Variants in NPC1 observed in about 807,000 individuals in gnomAD.
NPC1 encodes NPC intracellular cholesterol transporter 1, also known as Niemann-Pick C1 protein.
In NPC1, 85 loss-of-function variants were observed where a neutral mutation model predicts 140.4. The observed-to-expected ratio is 0.61, with a 90% CI of 0.51 to 0.72. The LOEUF (loss-of-function observed/expected upper bound fraction) is 0.72. NPC1 is among the 30% of genes least tolerant of loss of function. The pLI, the probability that NPC1 is intolerant of heterozygous loss-of-function variation, is 0.00. For missense variants in NPC1, 1,504 were observed against 1,623.8 expected, an observed-to-expected ratio of 0.93 and a Z score of 1.27; for synonymous variants, 656 against 624.8, an observed-to-expected ratio of 1.05 and a Z score of -0.74.
chr18:23,520,284 C>T (rs957858635), downstream of NPC1: 4 of 1,613,906 alleles, frequency 2.5e-6, no homozygotes, highest in African/African-American at 1.3e-5. Flanking sequence ...CCCGCTCGAT[C>T]GATCCAGCCC....
At chr18:23,524,374 G>GGGTTTGC (rs2058233115), downstream of NPC1, 1 of 1,594,186 alleles carries the variant, frequency 6.3e-7, no homozygotes, top group Non-Finnish European at 8.6e-7. Context: ...AGCGGAAACT[G>GGGTTTGC]GGTTTGCTTT....
chr18:23,540,297 C>T (rs1015505532), intron 17 of NPC1, 151 bp downstream of exon 17: 4 of 677,958 alleles, frequency 5.9e-6, no homozygotes, highest in South Asian at 3.4e-5. Flanking sequence ...ACCAGCAGTG[C>T]ACTGCGACAG....
chr18:23,581,272 G>C (rs574477390), intron 1 of NPC1, among the ~76,000 whole-genome samples: 1 of 152,284 alleles, frequency 6.6e-6, no homozygotes, highest in African/African-American at 2.4e-5. Context: ...GATCTATTAC[G>C]GACTACTGGA....
chr18:23,553,125 G>A (rs963146636), intron 9 of NPC1, among the ~76,000 whole-genome samples: 3 of 152,206 alleles, frequency 2.0e-5, no homozygotes, highest in Non-Finnish European at 4.4e-5. Context: ...CTGCCACCAG[G>A]AGCCTGCCAC....
chr18:23,579,686 C>A (rs534048305), intron 1 of NPC1, among the ~76,000 whole-genome samples: 1 of 151,972 alleles, frequency 6.6e-6, no homozygotes, highest in Non-Finnish European at 1.5e-5. Flanking sequence ...GTCAGGAGAT[C>A]GAGACCATCC....
At chr18:23,507,985 G>C (rs774130691) in intron 3 of NPC1, 14 of 1,610,304 alleles carry the variant, frequency 8.7e-6, no homozygotes, top group African/African-American at 1.3e-5. Context: ...TTCCTTTCAG[G>C]ATTTTTGTAA....
At chr18:23,511,879 A>G (rs1465356055) in intron 3 of NPC1, among the ~76,000 whole-genome samples, 1 of 152,156 alleles carries the variant, frequency 6.6e-6, no homozygotes, top group African/African-American at 2.4e-5. Flanking sequence ...ACATCTGAAA[A>G]GCTGAACCAG....
chr18:23,566,472 T>G lies in NPC1; in HGVS notation c.463+2351A>C, dbSNP rs139372524. Among the ~76,000 whole-genome samples the G allele has an allele frequency of 3.1e-3, 471 of 152,208 alleles. 4 individuals are homozygous for G. Among genetic ancestry groups the G allele is most frequent in the African/African-American group, 0.011 (452 of 41,532 alleles). On this transcript the variant is annotated intron_variant, in intron 4 of 24. Transcript: ENST00000269228. Reference sequence around the variant, plus strand: ...ATAATAATGCACTATAGGCCAGGTGTGGTGGCTCACACCTACAGTCCCAAC... The same window carrying G: ...ATAATAATGCACTATAGGCCAGGTGGGGTGGCTCACACCTACAGTCCCAAC...
At chr18:23,530,742 G>A (rs1428962062), downstream of NPC1, 10 of 773,486 alleles carry the variant, frequency 1.3e-5, no homozygotes, top group Admixed American at 8.6e-5. Flanking sequence ...AGCCCACCTA[G>A]CCCTTGGCCC....
At chr18:23,526,574 C>T (rs2058304002), downstream of NPC1, 7 of 1,580,040 alleles carry the variant, frequency 4.4e-6, no homozygotes, top group Non-Finnish European at 6.0e-6. Context: ...TTAGGGGAAC[C>T]ACTTTTGGGC....
downstream of NPC1, among the ~76,000 whole-genome samples, chr18:23,527,589 C>T (rs902040284): frequency 5.5e-5 from 6 of 108,370 alleles, no homozygotes; most frequent in East Asian, 1.2e-3. Context: ...CCTGCTATAG[C>T]TTTTTTTTTT....
In NPC1 at chr18:23,535,634, C is replaced by T. The variant is rs746476066; in HGVS notation, c.3312G>A (p.Val1104=). The T allele has an allele frequency of 3.1e-6, 5 of 1,614,022 alleles. No individual in the cohort carries two copies. Among genetic ancestry groups the T allele is most frequent in the Non-Finnish European group, 4.2e-6 (5 of 1,180,030 alleles). Residue 1104 remains valine, a synonymous_variant, in exon 22 of 25, where the codon GTG becomes GTA. Coordinates refer to ENST00000269228, the MANE Select transcript of NPC1 (RefSeq NM_000271.5). The part of the protein sequence containing the change: ...IIDDTIFNLG[V]SLGAIFLVTM... ...TCACCAGAAATATCGCGCCCAGGGA[C>T]ACACCGAGGTTGAAGATAGTGTCGT...
chr18:23,544,946 C>CCG lies in NPC1; in HGVS notation c.1947+13_1947+14insCG, dbSNP rs1555634646. 3.0e-6 allele frequency: 4 copies of CCG among 1,329,706 alleles called. 1 individual carries two copies. Among genetic ancestry groups the CCG allele is most frequent in the African/African-American group, 3.0e-5 (2 of 66,904 alleles). 82.4% of individuals were successfully genotyped at this position (1,329,706 alleles called of 1,614,324 possible). On this transcript the variant is annotated intron_variant, in intron 12 of 24. Transcript: ENST00000269228. Reference sequence around the variant, plus strand: ...GTTAACCTCTAGAACATACACCACCCCCCCCCGGCTTACCAGAAGCCTGCG... The same window carrying CCG: ...GTTAACCTCTAGAACATACACCACCCCGCCCCCCGGCTTACCAGAAGCCTGCG...
chr18:23,518,894 G>A (rs755828006), downstream of NPC1: 23 of 1,613,948 alleles, frequency 1.4e-5, no homozygotes, highest in Middle Eastern at 1.7e-4. Flanking sequence ...AATTAGATAC[G>A]GGCAGCTGTA....
At chr18:23,563,142 C>T (rs973994740) in intron 4 of NPC1, among the ~76,000 whole-genome samples, 8 of 152,206 alleles carry the variant, frequency 5.3e-5, no homozygotes, top group Admixed American at 5.2e-4. Context: ...TCTTTCATGA[C>T]CGGCTTCTTT....
At position 23,533,457 on chromosome 18, in the gene NPC1, A is replaced by G. The variant is rs1209886156; in HGVS notation, c.3652T>C (p.Ser1218Pro). 6.2e-7 allele frequency: 1 copy of G among 1,614,244 alleles called. No homozygotes were observed. ...GGIVVLAFAK[S>P]QIFQIFYFRM... ...AAGTAGAATATCTGGAAAATTTGAGATTTGGCAAAAGCCAACACCACAATC... is the reference window on the plus strand; with the variant it reads ...AAGTAGAATATCTGGAAAATTTGAGGTTTGGCAAAAGCCAACACCACAATC... The change falls in exon 24 of 25, where the codon TCT becomes CCT. Residue 1218 changes from serine to proline, a missense_variant. Ser to Pro is a moderately conservative substitution (Grantham distance 74). Coordinates refer to ENST00000269228, the MANE Select transcript of NPC1 (RefSeq NM_000271.5).
At chr18:23,538,435 G>A (rs1274556404) in intron 20 of NPC1, 107 bp downstream of exon 20, 22 of 1,360,610 alleles carry the variant, frequency 1.6e-5, no homozygotes, top group South Asian at 2.3e-5. Context: ...AGGGTGGGGC[G>A]GAGAAGAGAC....
intron 21 of NPC1, 33 bp downstream of exon 21, chr18:23,536,640 G>A: frequency 6.3e-7 from 1 of 1,587,784 alleles, no homozygotes; most frequent in Non-Finnish European, 8.6e-7. Flanking sequence ...GCCCTTTGCT[G>A]GGTAAACCCC....
intron 6 of NPC1, among the ~76,000 whole-genome samples, chr18:23,559,677 C>T (rs1183183680): frequency 2.0e-5 from 3 of 150,874 alleles, no homozygotes; most frequent in South Asian, 2.2e-4. Context: ...CGGCTGGGCA[C>T]GGTGGCTTAC....
Sources: gnomAD v4.1 joint callset for allele counts (sites outside exome capture counted in the v4.1 genomes callset) on GRCh38, gnomAD v4.1.1 for gene constraint, MANE v1.5 for transcripts, NCBI Gene and HGNC (gene_info 2026-07-23, HGNC 2026-07-21) for gene names.